The following METTL9 variants were observed in gnomAD, a reference collection of about 807,000 sequenced individuals.
The protein encoded by METTL9 is methyltransferase 9, His-X-His N1(pi)-histidine.
A neutral mutation model predicts 36.0 loss-of-function variants in METTL9; 10 were observed. The ratio of observed to expected loss-of-function variants is 0.28; its 90% CI spans 0.17 to 0.47. METTL9 has a LOEUF of 0.47. METTL9 is among the 20% of genes least tolerant of loss of function. The probability of loss-of-function intolerance (pLI) is 0.99; values close to 1 mark genes in which losing one functional copy is unlikely to be tolerated. For synonymous variants in METTL9, 175 were observed against 149.7 expected, an observed-to-expected ratio of 1.17 and a Z score of -1.23; for missense variants, 246 against 383.5, an observed-to-expected ratio of 0.64 and a Z score of 3.00.
intron 1 of METTL9, 82 bp from the exon 2 acceptor site, chr16:21,612,562 TC>T: frequency 7.7e-7 from 1 of 1,295,824 alleles, no homozygotes; most frequent in Non-Finnish European, 1.0e-6. Context: ...GATTTAGTCT[TC>T]TGGTTTTTTG....
chr16:21,610,229 G>T (rs1441103326), intron 1 of METTL9, among the ~76,000 whole-genome samples: 2 of 152,190 alleles, frequency 1.3e-5, no homozygotes, highest in African/African-American at 4.8e-5. Flanking sequence ...GACATTTCAC[G>T]TAAGTGGAAT....
chr16:21,620,629 T>C (rs1314226714), intron 3 of METTL9, among the ~76,000 whole-genome samples: 1 of 152,196 alleles, frequency 6.6e-6, no homozygotes, highest in African/African-American at 2.4e-5. Flanking sequence ...ATCTACCACA[T>C]AAAAAATACT....
At chr16:21,648,147 C>T (rs528843737) in intron 4 of METTL9, among the ~76,000 whole-genome samples, 21 of 152,258 alleles carry the variant, frequency 1.4e-4, no homozygotes, top group African/African-American at 4.8e-4. Context: ...CATATGAGCT[C>T]GCCAGGCCAT....
At chr16:21,600,266 C>T (rs1466103534) in intron 1 of METTL9, among the ~76,000 whole-genome samples, 3 of 152,178 alleles carry the variant, frequency 2.0e-5, no homozygotes, top group Admixed American at 2.0e-4. Context: ...CGCCTGGCAC[C>T]GAGGCCTGAG....
chr16:21,599,654 G>T lies in METTL9; in HGVS notation c.-80G>T. On this transcript the variant is annotated 5_prime_UTR_variant, in exon 1 of 5. Transcript: ENST00000358154. The surrounding 1 kb of genome is among the most constrained non-coding windows in gnomAD (Gnocchi z 4.4). The stretch of plus-strand genomic sequence containing the variant: ...CGATGGCTCGAGCTCGGGCGGTGGC[G>T]GCGGTGGCCGGAGGCGGCGGTGCCT... 1 of 1,348,706 alleles carries T rather than the reference G, an allele frequency of 7.4e-7. No individual in the cohort carries two copies. The highest frequency in any genetic ancestry group is 1.8e-5 in the South Asian group (1 of 54,900). 83.5% of individuals were successfully genotyped at this position (1,348,706 alleles called of 1,614,324 possible). A position where few individuals can be genotyped will look rare whatever the true frequency, so the allele number is the denominator to read the frequency against.
At chr16:21,626,874 A>G (rs1409561684) in intron 4 of METTL9, 2 of 866,032 alleles carry the variant, frequency 2.3e-6, no homozygotes, top group Non-Finnish European at 2.8e-6. Context: ...AGGAGATGAA[A>G]GAGCAGGGGG....
rs749008325 is a variant in METTL9 at position 21,625,087 on chromosome 16, C to G, written c.723C>G (p.Val241=). Residue 241 remains valine (V), a synonymous_variant, in exon 4 of 5, where the codon GTC becomes GTG. Coordinates refer to ENST00000358154, the MANE Select transcript of METTL9 (RefSeq NM_016025.5). Reference sequence around the variant, plus strand: ...GAGGCAGGGTCATCCTTGCCCTTGTCCTCCCCTTTCATCCCTATGTGGAAA... The same window carrying G: ...GAGGCAGGGTCATCCTTGCCCTTGTGCTCCCCTTTCATCCCTATGTGGAAA... ...PTRGRVILAL[V]LPFHPYVENV... The G allele has an allele frequency of 1.2e-6, 2 of 1,614,110 alleles. No homozygotes were observed. The highest frequency in any genetic ancestry group is 1.7e-6 in the Non-Finnish European group (2 of 1,180,012).
intron 2 of METTL9, among the ~76,000 whole-genome samples, chr16:21,616,779 C>G (rs1379816487): frequency 6.6e-6 from 1 of 152,146 alleles, no homozygotes; most frequent in African/African-American, 2.4e-5. Context: ...TACTAAAGCT[C>G]TTTTTTCCTG....
chr16:21,642,315 A>G (rs912695533), intron 4 of METTL9: 12 of 152,234 alleles, frequency 7.9e-5, no homozygotes, highest in African/African-American at 2.4e-4. Flanking sequence ...GGCAGCACTT[A>G]CACTAAAATT....
intron 1 of METTL9, among the ~76,000 whole-genome samples, chr16:21,606,220 C>G (rs1965283471): frequency 6.6e-6 from 1 of 151,952 alleles, no homozygotes; most frequent in Non-Finnish European, 1.5e-5. Context: ...GCCTGTAATC[C>G]CAGCTACTGG....
chr16:21,604,321 T>C (rs1965216873), intron 1 of METTL9, among the ~76,000 whole-genome samples: 1 of 152,190 alleles, frequency 6.6e-6, no homozygotes, highest in South Asian at 2.1e-4. Flanking sequence ...GGAGTCTTTA[T>C]GTTTCTCTTT....
At chr16:21,632,772 A>G (rs1467113137) in intron 4 of METTL9, among the ~76,000 whole-genome samples, 1 of 152,130 alleles carries the variant, frequency 6.6e-6, no homozygotes, top group Non-Finnish European at 1.5e-5. Flanking sequence ...CACCGCCGCA[A>G]CTACCCGTAA....
intron 3 of METTL9, among the ~76,000 whole-genome samples, chr16:21,620,472 A>T (rs1186381354): frequency 6.6e-6 from 1 of 152,166 alleles, no homozygotes; most frequent in Non-Finnish European, 1.5e-5. Flanking sequence ...AAGTGGGTCG[A>T]AGAGGAAGGT....
chr16:21,643,118 G>T, intron 4 of METTL9: 1 of 1,608,540 alleles, frequency 6.2e-7, no homozygotes, highest in Non-Finnish European at 8.5e-7. Context: ...TATAGTTCTT[G>T]AGCAATTTCC....
intron 4 of METTL9, chr16:21,652,233 ATAAT>A (rs753958630): frequency 4.5e-5 from 11 of 242,842 alleles, no homozygotes; most frequent in Non-Finnish European, 7.8e-5. Context: ...AGTTTGTATG[ATAAT>A]TAAATTATTG....
chr16:21,602,805 A>C lies in METTL9; in HGVS notation c.165+2907A>C, dbSNP rs368103457. Among the ~76,000 whole-genome samples the C allele has an allele frequency of 1.2e-4, 18 of 152,042 alleles. No individual in the cohort carries two copies. In the East Asian group the frequency reaches 3.1e-3, roughly 26 times the overall value. On this transcript the variant is annotated intron_variant, in intron 1 of 4. Coordinates refer to ENST00000358154, the MANE Select transcript of METTL9 (RefSeq NM_016025.5). ...CCCGAGTAGCTGGGATTACAGGTGA[A>C]CACCACCACGCCCAGATAATTTTTG...
At chr16:21,623,245 G>A (rs1965745913) in intron 3 of METTL9, among the ~76,000 whole-genome samples, 1 of 152,162 alleles carries the variant, frequency 6.6e-6, no homozygotes, top group Admixed American at 6.5e-5. Flanking sequence ...AGTTTGTTAG[G>A]CTGCTATTTG....
At chr16:21,652,357 G>A (rs1002148188) in intron 4 of METTL9, 1 of 489,562 alleles carries the variant, frequency 2.0e-6, no homozygotes, top group Non-Finnish European at 3.6e-6. Flanking sequence ...CTTTTTCTCA[G>A]CTATTTTTTT....
At chr16:21,635,112 C>T (rs1966055511) in intron 4 of METTL9, among the ~76,000 whole-genome samples, 1 of 152,180 alleles carries the variant, frequency 6.6e-6, no homozygotes, top group Non-Finnish European at 1.5e-5. Flanking sequence ...CTAACAGTAG[C>T]ATGACATCTC....
Sources: gnomAD v4.1 joint callset for allele counts (sites outside exome capture counted in the v4.1 genomes callset) on GRCh38, gnomAD v4.1.1 for gene constraint, Gnocchi (gnomAD v3.1) non-coding constraint, MANE v1.5 for transcripts, NCBI Gene and HGNC (gene_info 2026-07-23, HGNC 2026-07-21) for gene names.